Variants in TSPAN9 observed in about 807,000 individuals in gnomAD.
TSPAN9 encodes the protein tetraspanin 9, also known as tetraspanin-9.
Under a neutral mutation model 31.0 loss-of-function variants are expected in TSPAN9, and 16 were observed. The ratio of observed to expected loss-of-function variants is 0.52; its 90% CI spans 0.35 to 0.78. The LOEUF (loss-of-function observed/expected upper bound fraction) is 0.78. Ranked by LOEUF, TSPAN9 falls within the 30% of genes least tolerant of loss-of-function variation. The pLI, the probability that TSPAN9 is intolerant of heterozygous loss-of-function variation, is 0.01. For missense variants in TSPAN9, 272 were observed against 312.5 expected, an observed-to-expected ratio of 0.87 and a Z score of 0.98; for synonymous variants, 145 against 121.6, an observed-to-expected ratio of 1.19 and a Z score of -1.27.
chr12:3,167,895 G>T (rs2098349399), intron 2 of TSPAN9, among the ~76,000 whole-genome samples: 1 of 152,208 alleles, frequency 6.6e-6, no homozygotes, highest in African/African-American at 2.4e-5. Context: ...CAATGTGCCT[G>T]TTTGCCTGGA....
Position 3,105,782 on chromosome 12 carries a change from T to G in TSPAN9, c.-18+22063T>G, listed in dbSNP as rs79699248. Among the ~76,000 whole-genome samples the G allele has an allele frequency of 6.0e-5, 4 of 66,342 alleles. No homozygotes were observed. In the South Asian group the frequency reaches 1.6e-3, roughly 27 times the overall value. 43.5% of individuals were successfully genotyped at this position (66,342 alleles called of 152,430 possible). ...CGCACACACGCGCACGCACACACGC[T>G]CATACACACTCACGCACACATGCGC... On this transcript the variant is annotated intron_variant, in intron 2 of 8. Transcript: ENST00000011898.
chr12:3,132,377 A>G (rs940245448), intron 2 of TSPAN9, among the ~76,000 whole-genome samples: 2 of 152,092 alleles, frequency 1.3e-5, no homozygotes, highest in African/African-American at 2.4e-5. Context: ...ACCACTTTAC[A>G]TCCCTGCCGG....
At chr12:3,260,658 CA>C (rs1862431820) in intron 3 of TSPAN9, among the ~76,000 whole-genome samples, 2 of 152,304 alleles carry the variant, frequency 1.3e-5, no homozygotes, top group South Asian at 4.1e-4. Context: ...AGTCCAACAG[CA>C]GTGAATATCT....
chr12:3,191,089 G>A (rs2098364126), intron 2 of TSPAN9, among the ~76,000 whole-genome samples: 1 of 152,154 alleles, frequency 6.6e-6, no homozygotes, highest in South Asian at 2.1e-4. Flanking sequence ...GGGGTGTGGG[G>A]GAAAGGGGGT....
chr12:3,211,333 T>G (rs1257343801), intron 3 of TSPAN9, among the ~76,000 whole-genome samples: 1 of 152,242 alleles, frequency 6.6e-6, no homozygotes, highest in African/African-American at 2.4e-5. Flanking sequence ...CTGGACTGTT[T>G]GTCTATCCTG....
At chr12:3,215,904 G>C (rs371224850) in intron 3 of TSPAN9, among the ~76,000 whole-genome samples, 2 of 140,704 alleles carry the variant, frequency 1.4e-5, no homozygotes, top group Non-Finnish European at 2.9e-5. Flanking sequence ...ACGTTCCACC[G>C]GGACCTCTCT....
chr12:3,106,770 C>G (rs966032640), intron 2 of TSPAN9, among the ~76,000 whole-genome samples: 1 of 150,060 alleles, frequency 6.7e-6, no homozygotes, highest in African/African-American at 2.5e-5. Context: ...GACCCTGTCT[C>G]GACAAAACAA....
At chr12:3,124,435 CT>C (rs879275684) in intron 2 of TSPAN9, among the ~76,000 whole-genome samples, 242 of 142,626 alleles carry the variant, frequency 1.7e-3, no homozygotes, top group Non-Finnish European at 1.5e-3. Flanking sequence ...TTGATACATT[CT>C]TTTTTTTTTT....
intron 2 of TSPAN9, among the ~76,000 whole-genome samples, chr12:3,108,736 T>A (rs2098315989): frequency 6.6e-6 from 1 of 152,216 alleles, no homozygotes; most frequent in Non-Finnish European, 1.5e-5. Context: ...TCCCCCTCCT[T>A]TCCTTTCCTG....
At chr12:3,272,609 G>A (rs1862702318) in intron 3 of TSPAN9, among the ~76,000 whole-genome samples, 1 of 152,008 alleles carries the variant, frequency 6.6e-6, no homozygotes, top group Non-Finnish European at 1.5e-5. Flanking sequence ...AGCCTGAGAG[G>A]TCCTAGGTGT....
rs1213675193 is a variant in TSPAN9, at chr12:3,209,851, C to T, written c.63+8595C>T. Among the ~76,000 whole-genome samples the T allele has an allele frequency of 5.4e-5, 8 of 148,680 alleles. No individual in the cohort carries two copies. In the East Asian group the frequency reaches 8.1e-4, roughly 15 times the overall value. On this transcript the variant is annotated intron_variant, in intron 3 of 8. Transcript: ENST00000011898. The stretch of plus-strand genomic sequence containing the variant: ...GTGGGCGCCTGTAGTCCCAGCTACT[C>T]GGGAGGCTGAGGCAGGAGAATGGCA...
Position 3,280,870 on chromosome 12 carries a change from G to T in TSPAN9, c.433-328G>T, listed in dbSNP as rs936331408. Among the ~76,000 whole-genome samples the T allele has an allele frequency of 5.3e-5, 8 of 151,830 alleles. No homozygotes were observed. In the South Asian group the frequency reaches 1.5e-3, roughly 28 times the overall value. ...AAGCCCTGGGGAGGGGCCGGCAGGGGGTTGGGTGGCAGTCAGCTTGGGACG... is the reference window on the plus strand; with the variant it reads ...AAGCCCTGGGGAGGGGCCGGCAGGGTGTTGGGTGGCAGTCAGCTTGGGACG... On this transcript the variant is annotated intron_variant, in intron 6 of 8. Coordinates refer to ENST00000011898, the MANE Select transcript of TSPAN9 (RefSeq NM_006675.5). The surrounding 1 kb of genome is among the most constrained non-coding windows in gnomAD (Gnocchi z 4.5).
intron 2 of TSPAN9, among the ~76,000 whole-genome samples, chr12:3,191,497 T>G (rs7311195): frequency 0.99 from 150,652 of 152,208 alleles, 74,584 homozygotes; most frequent in Middle Eastern, 1. Flanking sequence ...CCAGTCTGCT[T>G]GTTTTGTAGT....
intron 2 of TSPAN9, among the ~76,000 whole-genome samples, chr12:3,097,599 C>T (rs951982403): frequency 2.6e-5 from 4 of 152,140 alleles, no homozygotes; most frequent in Non-Finnish European, 5.9e-5. Context: ...ATTTCCTCTT[C>T]CTCTTCTGTG....
At position 3,077,881 on chromosome 12, in the gene TSPAN9, C is replaced by T. The variant is rs540571502; in HGVS notation, c.-85+428C>T. ...GGCTGGGATATGGCCTGCAGCCCCC[C>T]GGCACCCGCGACCGCTCCCTGGGCC... On this transcript the variant is annotated intron_variant, in intron 1 of 8. Coordinates refer to ENST00000011898, the MANE Select transcript of TSPAN9 (RefSeq NM_006675.5). 2.6e-5 allele frequency among the ~76,000 whole-genome samples: 4 copies of T among 152,280 alleles called. No homozygotes were observed. In the East Asian group the frequency reaches 7.7e-4, roughly 29 times the overall value.
chr12:3,109,268 CTGTGTGTGTGTGTGTG>C (rs1226380985), intron 2 of TSPAN9, among the ~76,000 whole-genome samples: 2 of 119,300 alleles, frequency 1.7e-5, no homozygotes, highest in Admixed American at 8.3e-5. Flanking sequence ...TTCATATAGT[CTGTGTGTGTGTGTGTG>C]TGTGTGTGTG....
At chr12:3,224,257 C>G (rs1185574262) in intron 3 of TSPAN9, among the ~76,000 whole-genome samples, 1 of 152,264 alleles carries the variant, frequency 6.6e-6, no homozygotes, top group Middle Eastern at 3.4e-3. Flanking sequence ...CCCTTGGGAC[C>G]CTTGTGCACT....
chr12:3,187,697 A>C lies in TSPAN9; in HGVS notation c.-17-13480A>C, dbSNP rs1165519662. On this transcript the variant is annotated intron_variant, in intron 2 of 8. Coordinates refer to ENST00000011898, the MANE Select transcript of TSPAN9 (RefSeq NM_006675.5). This position sits in a 1 kb window ranked among gnomAD's most constrained non-coding sequence, Gnocchi z 5.2. ...CCTCAAAAAAGCTGCAAGAGTCACC[A>C]TGAACAGGTCTTGGCTTGCGGTATT... 6.6e-6 allele frequency among the ~76,000 whole-genome samples: 1 copy of C among 152,094 alleles called. No homozygotes were observed. The highest frequency in any genetic ancestry group is 1.5e-5 in the Non-Finnish European group (1 of 68,012).
intron 2 of TSPAN9, among the ~76,000 whole-genome samples, chr12:3,130,123 C>T (rs113449917): frequency 1.3e-5 from 2 of 152,200 alleles, no homozygotes; most frequent in Admixed American, 6.5e-5. Context: ...GCCAGAGGGT[C>T]GCTTCCCTTC....
Sources: gnomAD v4.1 joint callset for allele counts (sites outside exome capture counted in the v4.1 genomes callset) on GRCh38, gnomAD v4.1.1 for gene constraint, Gnocchi (gnomAD v3.1) non-coding constraint, MANE v1.5 for transcripts, NCBI Gene and HGNC (gene_info 2026-07-23, HGNC 2026-07-21) for gene names.